PTPRK: variants seen among roughly 807,000 people sequenced by gnomAD.
The protein encoded by PTPRK is receptor-type tyrosine-protein phosphatase kappa.
PTPRK carries 75 observed loss-of-function variants against 178.0 expected under a neutral mutation model. The ratio of observed to expected loss-of-function variants is 0.42; its 90% CI spans 0.35 to 0.51. The LOEUF is 0.51. PTPRK is among the 20% of genes least tolerant of loss of function. The pLI is 0.02. For missense variants in PTPRK, 1,441 were observed against 1,797.8 expected (o/e 0.80, Z 3.59); for synonymous variants, 637 against 620.6 (o/e 1.03, Z -0.39).
intron 2 of PTPRK, among the ~76,000 whole-genome samples, chr6:128,354,134 A>G (rs1833576095): frequency 6.6e-6 from 1 of 151,456 alleles, no homozygotes; most frequent in Non-Finnish European, 1.5e-5. Flanking sequence ...GGAAGCTAGC[A>G]TATATTTTAT....
chr6:128,430,728 A>C (rs1185021681), intron 1 of PTPRK, among the ~76,000 whole-genome samples: 1 of 152,174 alleles, frequency 6.6e-6, no homozygotes, highest in Non-Finnish European at 1.5e-5. Context: ...ATAGCAAAAA[A>C]CAAGCCACAT....
At chr6:128,412,784 T>C (rs1041033376) in intron 1 of PTPRK, among the ~76,000 whole-genome samples, 2 of 152,212 alleles carry the variant, frequency 1.3e-5, no homozygotes, top group Admixed American at 6.5e-5. Flanking sequence ...AGGAATCTCA[T>C]AGACTTCTCA....
At position 127,990,759 on chromosome 6, in the gene PTPRK, G is replaced by C; in HGVS notation, c.3096+10C>G. 6.5e-7 allele frequency: 1 copy of C among 1,529,942 alleles called. No individual in the cohort carries two copies. The highest frequency in any genetic ancestry group is 1.2e-5 in the South Asian group (1 of 86,322). The allele number at this position is 1,529,942 out of a possible 1,614,324, so 94.8% of individuals were successfully genotyped here. A position where few individuals can be genotyped will look rare whatever the true frequency, so the allele number is the denominator to read the frequency against. On this transcript the variant is annotated intron_variant, in intron 21 of 29. Transcript: ENST00000368226. Reference sequence around the variant, plus strand: ...TATCACTTTTTAAAATAGAATTTTAGAGTACTTACCCTTTCCAGGGTGAAT... The same window carrying C: ...TATCACTTTTTAAAATAGAATTTTACAGTACTTACCCTTTCCAGGGTGAAT...
At chr6:128,498,569 A>G (rs556342118) in intron 1 of PTPRK, among the ~76,000 whole-genome samples, 1 of 152,312 alleles carries the variant, frequency 6.6e-6, no homozygotes, top group African/African-American at 2.4e-5. Context: ...CTGATCCTCT[A>G]AAGGTTGAGA....
At chr6:128,389,412 T>TG (rs970657004) in intron 2 of PTPRK, among the ~76,000 whole-genome samples, 1 of 41,906 alleles carries the variant, frequency 2.4e-5, no homozygotes, top group African/African-American at 3.7e-5. Context: ...TGTTTTTTTT[T>TG]GTTTTTTTTG....
intron 7 of PTPRK, among the ~76,000 whole-genome samples, chr6:128,152,248 A>C (rs1450323707): frequency 6.6e-6 from 1 of 152,046 alleles, no homozygotes; most frequent in Non-Finnish European, 1.5e-5. Flanking sequence ...TAGATGTTTT[A>C]AAGAATGGGA....
chr6:127,990,015 A>T (rs1776422629), intron 21 of PTPRK, among the ~76,000 whole-genome samples: 1 of 152,128 alleles, frequency 6.6e-6, no homozygotes, highest in Non-Finnish European at 1.5e-5. Context: ...CTACTACACC[A>T]GCCACCTTAC....
In PTPRK at chr6:128,082,551, G is replaced by C. The variant is rs1427855723; in HGVS notation, c.1663C>G (p.His555Asp). The change falls in exon 10 of 30, where the codon CAC (histidine) becomes GAC (aspartate). Residue 555 changes from histidine to aspartate, a missense_variant. By Grantham distance (81) the His-to-Asp change is moderately conservative. Transcript: ENST00000368226. ...QTVSNLWNSTHHVFMHLHPGT... is the reference protein window; with the variant it reads ...QTVSNLWNSTDHVFMHLHPGT... ...GGGTGGAGATGCATAAAGACATGGT[G>C]TGTACTGTTCCATAAATTTGATACA... 1.2e-6 allele frequency: 2 copies of C among 1,612,218 alleles called. No homozygotes were observed.
chr6:128,007,018 G>A (rs1049730584), intron 14 of PTPRK, among the ~76,000 whole-genome samples: 3 of 150,594 alleles, frequency 2.0e-5, no homozygotes, highest in Admixed American at 6.6e-5. Context: ...TAGATAAGAG[G>A]CTAAAGTAAT....
intron 27 of PTPRK, among the ~76,000 whole-genome samples, chr6:127,975,679 A>G (rs1774470970): frequency 6.6e-6 from 1 of 152,054 alleles, no homozygotes; most frequent in African/African-American, 2.4e-5. Context: ...GTTTTTATTA[A>G]TATCTTTTTT....
chr6:128,443,818 C>T (rs531164113), intron 1 of PTPRK, among the ~76,000 whole-genome samples: 4 of 152,016 alleles, frequency 2.6e-5, no homozygotes, highest in African/African-American at 9.6e-5. Flanking sequence ...TGAAAGTTTC[C>T]GGGGCTTGAC....
intron 2 of PTPRK, among the ~76,000 whole-genome samples, chr6:128,371,036 A>G (rs909076393): frequency 1.3e-5 from 2 of 152,196 alleles, no homozygotes; most frequent in Admixed American, 6.5e-5. Flanking sequence ...GAACAACTCA[A>G]TTACAATCAG....
At chr6:128,239,009 C>T in intron 5 of PTPRK, among the ~76,000 whole-genome samples, 1 of 151,808 alleles carries the variant, frequency 6.6e-6, no homozygotes, top group East Asian at 1.9e-4. Flanking sequence ...TTTATTATAA[C>T]CTTTATTACA....
chr6:127,975,466 T>C lies in PTPRK; in HGVS notation c.3969+1191A>G, dbSNP rs1478793083. On this transcript the variant is annotated intron_variant, in intron 27 of 29. Coordinates refer to ENST00000368226, the MANE Select transcript of PTPRK (RefSeq NM_002844.4). ...TCATAGTTATATACATATAGACTTA[T>C]TAACCAGACACACACGTAGTCATTT... Among the ~76,000 whole-genome samples the C allele has an allele frequency of 3.9e-5, 6 of 152,164 alleles. No individual in the cohort carries two copies. The East Asian group carries it at 1.2e-3, about 29-fold the overall frequency.
chr6:128,224,776 AT>A (rs1183455169), intron 5 of PTPRK, among the ~76,000 whole-genome samples: 1 of 152,186 alleles, frequency 6.6e-6, no homozygotes, highest in African/African-American at 2.4e-5. Flanking sequence ...ACATAAGAAA[AT>A]GGGTTCCCTT....
intron 3 of PTPRK, among the ~76,000 whole-genome samples, chr6:128,279,733 C>G (rs1386444885): frequency 6.6e-6 from 1 of 152,080 alleles, no homozygotes; most frequent in Non-Finnish European, 1.5e-5. Flanking sequence ...TTAATTTTGA[C>G]AAAAGTAGCC....
At chr6:128,277,353 C>T (rs1301814362) in intron 3 of PTPRK, among the ~76,000 whole-genome samples, 3 of 152,066 alleles carry the variant, frequency 2.0e-5, no homozygotes, top group Non-Finnish European at 4.4e-5. Context: ...ATTCATGCTG[C>T]TGTTAGATTG....
chr6:128,121,364 T>A (rs1264010709), intron 7 of PTPRK, among the ~76,000 whole-genome samples: 1 of 151,920 alleles, frequency 6.6e-6, no homozygotes, highest in Non-Finnish European at 1.5e-5. Context: ...TAAATGGAAG[T>A]GACAAATATT....
intron 3 of PTPRK, among the ~76,000 whole-genome samples, chr6:128,295,711 G>C (rs1824226597): frequency 1.3e-5 from 2 of 152,050 alleles, no homozygotes; most frequent in African/African-American, 4.8e-5. Context: ...ACTTAAGCAA[G>C]TTAGTTTTCC....
Sources: allele counts gnomAD v4.1 joint callset (sites outside exome capture counted in the v4.1 genomes callset), GRCh38; gene constraint gnomAD v4.1.1; transcripts MANE v1.5; gene names NCBI Gene and HGNC (gene_info 2026-07-23, HGNC 2026-07-21).